NXPH1: variants seen among roughly 807,000 people sequenced by gnomAD.
NXPH1 encodes the protein neurexophilin 1.
NXPH1 carries 5 observed loss-of-function variants against 23.7 expected under a neutral mutation model. The ratio of observed to expected loss-of-function variants is 0.21; its 90% CI spans 0.11 to 0.44. NXPH1 has a LOEUF of 0.44. Ranked by LOEUF, NXPH1 falls within the 20% of genes least tolerant of loss-of-function variation. The pLI is 0.99. For synonymous variants in NXPH1, 144 were observed against 122.2 expected, an observed-to-expected ratio of 1.18 and a Z score of -1.18; for missense variants, 324 against 321.6, an observed-to-expected ratio of 1.01 and a Z score of -0.06.
chr7:8,555,753 C>T lies in NXPH1; in HGVS notation c.54+119986C>T, dbSNP rs17151104. 3.0e-3 allele frequency among the ~76,000 whole-genome samples: 458 copies of T among 151,706 alleles called. 3 individuals are homozygous for T. Among genetic ancestry groups the T allele is most frequent in the African/African-American group, 0.011 (444 of 41,466 alleles). ...AACTTGTTCATTACCAGTTTTGAAC[C>T]TTTGCGTTTGTTATTTCTCACTTAC... On this transcript the variant is annotated intron_variant, in intron 2 of 2. Coordinates refer to ENST00000405863, the MANE Select transcript of NXPH1 (RefSeq NM_152745.3).
At chr7:8,548,223 A>C (rs1032720324) in intron 2 of NXPH1, among the ~76,000 whole-genome samples, 1 of 151,520 alleles carries the variant, frequency 6.6e-6, no homozygotes, top group Non-Finnish European at 1.5e-5. Flanking sequence ...ATTAAAAAGG[A>C]TACTTCCTGT....
rs140962319 is a variant in NXPH1 at position 8,637,435 on chromosome 7, G to A, written c.55-113573G>A. ...AGATGGGGTTTCAGTATGTTGCCCA[G>A]GCTGGTCTTGAATTCCTGGGCTCAA... On this transcript the variant is annotated intron_variant, in intron 2 of 2. Coordinates refer to ENST00000405863, the MANE Select transcript of NXPH1 (RefSeq NM_152745.3). Among the ~76,000 whole-genome samples, 151 of 152,206 alleles carry A rather than the reference G, an allele frequency of 9.9e-4. 1 individual carries two copies. The highest frequency in any genetic ancestry group is 6.6e-4 in the Non-Finnish European group (45 of 67,990).
intron 2 of NXPH1, among the ~76,000 whole-genome samples, chr7:8,620,563 C>T (rs181657629): frequency 6.6e-6 from 1 of 152,186 alleles, no homozygotes. Context: ...GCTGAGGCTG[C>T]TGCCACCAGC....
At chr7:8,522,782 C>T (rs1043152604) in intron 2 of NXPH1, among the ~76,000 whole-genome samples, 1 of 152,174 alleles carries the variant, frequency 6.6e-6, no homozygotes, top group Non-Finnish European at 1.5e-5. Context: ...CCTCTAGGTC[C>T]AGCCCTAGGT....
chr7:8,743,427 G>C, intron 2 of NXPH1, among the ~76,000 whole-genome samples: 1 of 142,530 alleles, frequency 7.0e-6, no homozygotes, highest in Admixed American at 7.2e-5. Context: ...GACACTTCTA[G>C]TTGAAGATTT....
intron 2 of NXPH1, among the ~76,000 whole-genome samples, chr7:8,696,840 C>CAAA (rs3059126): frequency 9.3e-5 from 9 of 96,978 alleles, no homozygotes; most frequent in African/African-American, 1.6e-4. Context: ...GACTCCCTCT[C>CAAA]AAAAAAAAAA....
At chr7:8,549,781 T>C (rs1818250819) in intron 2 of NXPH1, among the ~76,000 whole-genome samples, 1 of 151,538 alleles carries the variant, frequency 6.6e-6, no homozygotes, top group Admixed American at 6.6e-5. Flanking sequence ...AGGAAATAAA[T>C]GTACACAGAG....
chr7:8,735,583 T>C (rs1780236151), intron 2 of NXPH1, among the ~76,000 whole-genome samples: 2 of 152,188 alleles, frequency 1.3e-5, no homozygotes, highest in South Asian at 4.1e-4. Context: ...ATCAGGGATA[T>C]TGGCCTGAAA....
Position 8,435,829 on chromosome 7 carries a change from G to T in NXPH1, c.54+62G>T. 6.8e-7 allele frequency: 1 copy of T among 1,472,110 alleles called. No individual in the cohort carries two copies. The highest frequency in any genetic ancestry group is 9.5e-7 in the Non-Finnish European group (1 of 1,051,336). The allele number at this position is 1,472,110 out of a possible 1,614,324, so 91.2% of individuals were successfully genotyped here. A position where few individuals can be genotyped will look rare whatever the true frequency, so the allele number is the denominator to read the frequency against. On this transcript the variant is annotated intron_variant, in intron 2 of 2. Coordinates refer to ENST00000405863, the MANE Select transcript of NXPH1 (RefSeq NM_152745.3). The surrounding 1 kb of genome is among the most constrained non-coding windows in gnomAD (Gnocchi z 5.9). ...CCCCGGCCGGGAGGCAAGGAAACTG[G>T]GGACACGCGGGAGAAGGGTTACGCC... is the stretch of plus-strand genomic sequence containing the variant.
At chr7:8,676,288 C>T (rs1820951739) in intron 2 of NXPH1, among the ~76,000 whole-genome samples, 1 of 152,048 alleles carries the variant, frequency 6.6e-6, no homozygotes, top group Non-Finnish European at 1.5e-5. Flanking sequence ...CAAATTTTGT[C>T]CAAATAGTCT....
chr7:8,740,758 G>A (rs1372694894), intron 2 of NXPH1, among the ~76,000 whole-genome samples: 1 of 150,844 alleles, frequency 6.6e-6, no homozygotes, highest in East Asian at 1.9e-4. Context: ...CAGCTTTACT[G>A]ATATGTAATT....
chr7:8,544,077 G>T (rs879509556), intron 2 of NXPH1, among the ~76,000 whole-genome samples: 1 of 151,540 alleles, frequency 6.6e-6, no homozygotes, highest in Non-Finnish European at 1.5e-5. Context: ...GTTCTTGCTG[G>T]GGCACATGTT....
intron 2 of NXPH1, among the ~76,000 whole-genome samples, chr7:8,662,602 A>G (rs1397527893): frequency 6.6e-6 from 1 of 152,048 alleles, no homozygotes; most frequent in African/African-American, 2.4e-5. Flanking sequence ...TTTTTTATCA[A>G]GTCTGGGTGA....
intron 2 of NXPH1, among the ~76,000 whole-genome samples, chr7:8,522,169 G>A (rs558178726): frequency 1.2e-4 from 19 of 152,306 alleles, no homozygotes; most frequent in African/African-American, 4.6e-4. Context: ...TTGATTATTT[G>A]AAAGAGAGCA....
intron 2 of NXPH1, among the ~76,000 whole-genome samples, chr7:8,544,474 A>C (rs577771853): frequency 1.3e-5 from 2 of 151,776 alleles, no homozygotes; most frequent in East Asian, 3.9e-4. Context: ...TGAAAGACTC[A>C]TAAAGAATGT....
intron 2 of NXPH1, among the ~76,000 whole-genome samples, chr7:8,628,385 T>TTTTTTC (rs1265965735): frequency 1.4e-5 from 2 of 148,012 alleles, no homozygotes; most frequent in South Asian, 2.1e-4. Context: ...TTTTTTTTTT[T>TTTTTTC]AGATAATGTA....
intron 2 of NXPH1, among the ~76,000 whole-genome samples, chr7:8,451,579 A>G (rs1203273170): frequency 6.6e-6 from 1 of 152,232 alleles, no homozygotes; most frequent in Admixed American, 6.5e-5. Context: ...GTTTGATAGT[A>G]AAAAGCATTA....
intron 2 of NXPH1, among the ~76,000 whole-genome samples, chr7:8,604,609 A>G (rs552708079): frequency 1.2e-4 from 19 of 152,200 alleles, no homozygotes; most frequent in South Asian, 1.2e-3. Context: ...CTTCATGGTT[A>G]TATGTTTTTC....
intron 2 of NXPH1, among the ~76,000 whole-genome samples, chr7:8,491,412 G>A (rs751854070): frequency 4.6e-5 from 7 of 151,932 alleles, no homozygotes; most frequent in African/African-American, 1.7e-4. Context: ...TGCTGTGAAG[G>A]GCATGAAGAA....
Sources: allele counts gnomAD v4.1 joint callset (sites outside exome capture counted in the v4.1 genomes callset), GRCh38; gene constraint gnomAD v4.1.1; non-coding constraint Gnocchi (gnomAD v3.1); transcripts MANE v1.5; gene names NCBI Gene and HGNC (gene_info 2026-07-23, HGNC 2026-07-21).